DGCR2: variants seen among roughly 807,000 people sequenced by gnomAD.
DGCR2 encodes the protein DiGeorge syndrome critical region gene 2.
In DGCR2, 24 loss-of-function variants were observed where a neutral mutation model predicts 51.6. That is an observed-to-expected ratio of 0.47 (90% CI 0.34 to 0.65). DGCR2 has a LOEUF of 0.65. Among genes scored for constraint, DGCR2 ranks in the 30% least tolerant of loss-of-function variants. DGCR2 has a pLI of 0.01. For synonymous variants in DGCR2, 340 were observed against 315.4 expected (o/e 1.08, Z -0.82); for missense variants, 765 against 772.1 (o/e 0.99, Z 0.11).
chr22:19,040,054 G>A (rs1158836674), intron 9 of DGCR2, among the ~76,000 whole-genome samples: 1 of 152,128 alleles, frequency 6.6e-6, no homozygotes, highest in Non-Finnish European at 1.5e-5. Context: ...AAAGCTAACA[G>A]CACAAGGCCC....
intron 1 of DGCR2, among the ~76,000 whole-genome samples, chr22:19,118,374 C>CAAAAAA (rs923572855): frequency 3.6e-3 from 200 of 56,326 alleles, no homozygotes; most frequent in Non-Finnish European, 4.1e-3. Context: ...CCATCGCAAA[C>CAAAAAA]AAAAAAAAAA....
intron 2 of DGCR2, among the ~76,000 whole-genome samples, chr22:19,082,063 T>G (rs2082943306): frequency 8.4e-6 from 1 of 119,492 alleles, no homozygotes; most frequent in East Asian, 2.5e-4. Context: ...GGGTTTTTTT[T>G]GTTTTTTTTT....
chr22:19,114,833 G>A (rs1009461415), intron 1 of DGCR2, among the ~76,000 whole-genome samples: 4 of 152,178 alleles, frequency 2.6e-5, no homozygotes, highest in African/African-American at 9.7e-5. Flanking sequence ...GTCTACCTGG[G>A]GGACCCTTAG....
chr22:19,068,612 C>G (rs2082777878), intron 2 of DGCR2, among the ~76,000 whole-genome samples: 1 of 152,228 alleles, frequency 6.6e-6, no homozygotes, highest in Non-Finnish European at 1.5e-5. Flanking sequence ...GCCCCTACCC[C>G]TTCCTTGAGG....
rs1482616315 is a variant in DGCR2, at chr22:19,065,147, G to T, written c.329-80C>A. On this transcript the variant is annotated intron_variant, in intron 3 of 9. Coordinates refer to ENST00000263196, the MANE Select transcript of DGCR2 (RefSeq NM_005137.3). ...AATTATATGTACTCCATCAGGGACA[G>T]GCACACCTTGTAAATCACCCTAGAG... is the stretch of plus-strand genomic sequence containing the variant. 9.0e-6 allele frequency: 11 copies of T among 1,225,966 alleles called. 1 individual carries two copies. Among genetic ancestry groups the T allele is most frequent in the Middle Eastern group, 1.9e-4 (1 of 5,350 alleles). 75.9% of individuals were successfully genotyped at this position (1,225,966 alleles called of 1,614,324 possible).
intron 1 of DGCR2, among the ~76,000 whole-genome samples, chr22:19,096,006 A>G (rs967062234): frequency 6.6e-6 from 1 of 152,152 alleles, no homozygotes; most frequent in African/African-American, 2.4e-5. Flanking sequence ...TTGCCCCATG[A>G]CTGGTACTGA....
intron 6 of DGCR2, among the ~76,000 whole-genome samples, chr22:19,050,491 C>T (rs1056948487): frequency 1.2e-4 from 18 of 152,176 alleles, no homozygotes; most frequent in Non-Finnish European, 1.0e-4. Flanking sequence ...AGTATGCAAT[C>T]CCCAGATAGT....
In DGCR2 at chr22:19,037,137, C is replaced by G. The variant is rs934601231; in HGVS notation, c.*1728G>C. The G allele has an allele frequency of 6.6e-6, 1 of 152,272 alleles. No individual in the cohort carries two copies. The highest frequency in any genetic ancestry group is 1.5e-5 in the Non-Finnish European group (1 of 68,122). The allele number at this position is 152,272 out of a possible 1,614,324, so 9.4% of individuals were successfully genotyped here. On this transcript the variant is annotated 3_prime_UTR_variant, in exon 10 of 10. Coordinates refer to ENST00000263196, the MANE Select transcript of DGCR2 (RefSeq NM_005137.3). ...CGTCCTCTGCAGCCAGTAGGGGACT[C>G]CTGTGGCCAGGACTTCCTTGTTAAG...
intron 3 of DGCR2, 44 bp downstream of exon 3, chr22:19,068,056 C>CT (rs2082769411): frequency 6.6e-7 from 1 of 1,508,724 alleles, no homozygotes; most frequent in Non-Finnish European, 8.8e-7. Context: ...TCATGTCAGG[C>CT]TTGCACTCCC....
In DGCR2 at chr22:19,038,958, G is replaced by A. The variant is rs1432278319; in HGVS notation, c.1560C>T (p.Pro520=). ...SADSSSALLV[P]PDPAQSGSTP... ...TGCTCCCGCTCTGGGCAGGGTCAGGGGGCACGAGCAGGGCGCTGCTGCTGT... is the reference window on the plus strand; with the variant it reads ...TGCTCCCGCTCTGGGCAGGGTCAGGAGGCACGAGCAGGGCGCTGCTGCTGT... The change falls in exon 10 of 10, where the codon CCC becomes CCT. Residue 520 remains proline, a synonymous_variant. Transcript: ENST00000263196. 5.0e-6 allele frequency: 8 copies of A among 1,612,248 alleles called. No individual in the cohort carries two copies. Among genetic ancestry groups the A allele is most frequent in the African/African-American group, 2.7e-5 (2 of 75,056 alleles).
At chr22:19,068,443 TG>T (rs1233739761) in intron 2 of DGCR2, among the ~76,000 whole-genome samples, 3 of 152,370 alleles carry the variant, frequency 2.0e-5, no homozygotes, top group Admixed American at 6.5e-5. Context: ...TGGCAGTTTT[TG>T]TTTTTTAAGT....
rs2146012860 is a variant in DGCR2 at position 19,089,413 on chromosome 22, C to T, written c.157G>A (p.Gly53Ser). The T allele has an allele frequency of 2.5e-6, 4 of 1,610,874 alleles. No homozygotes were observed. In the East Asian group the frequency reaches 6.7e-5, roughly 27 times the overall value. ...CTCTCATCCTCGCAAGTCGCCCAGC[C>T]GTCACACTGCCAGGGGAGGGGGATG... ...QCIPLPWQCD[G>S]WATCEDESDE... The change falls in exon 2 of 10, where the codon GGC becomes AGC. Residue 53 changes from glycine to serine, a missense_variant. Transcript: ENST00000263196.
Position 19,063,248 on chromosome 22 carries a change from A to G in DGCR2, c.579T>C (p.Thr193=), listed in dbSNP as rs2082706969. The G allele has an allele frequency of 1.2e-6, 2 of 1,614,220 alleles. No homozygotes were observed. Among genetic ancestry groups the G allele is most frequent in the Non-Finnish European group, 1.7e-6 (2 of 1,180,036 alleles). Reference sequence around the variant, plus strand: ...GACCTTCCAAGGAGCGGTTCCGGCCAGTGATAACATACTGATAGCCAACCC... The same window carrying G: ...GACCTTCCAAGGAGCGGTTCCGGCCGGTGATAACATACTGATAGCCAACCC... ...KLWVGYQYVI[T]GRNRSLEGRW... The change falls in exon 5 of 10, where the codon ACT becomes ACC. Residue 193 remains threonine (T), a synonymous_variant. Coordinates refer to ENST00000263196, the MANE Select transcript of DGCR2 (RefSeq NM_005137.3).
At chr22:19,048,957 G>T (rs1365404167) in intron 6 of DGCR2, among the ~76,000 whole-genome samples, 1 of 152,248 alleles carries the variant, frequency 6.6e-6, no homozygotes, top group African/African-American at 2.4e-5. Context: ...ATTGTGCTGA[G>T]AGTCTTCCCA....
intron 3 of DGCR2, chr22:19,065,301 G>C (rs1055469806): frequency 9.2e-6 from 5 of 544,012 alleles, no homozygotes; most frequent in Non-Finnish European, 1.7e-5. Flanking sequence ...ATTTCTATAA[G>C]ATCTTTTAAT....
intron 2 of DGCR2, among the ~76,000 whole-genome samples, chr22:19,087,796 T>C (rs989572321): frequency 1.8e-4 from 28 of 152,014 alleles, no homozygotes; most frequent in Non-Finnish European, 3.8e-4. Context: ...GCAATTCTTG[T>C]GCCTCAGCCT....
At chr22:19,062,779 A>ACTCTCT (rs11471797) in intron 5 of DGCR2, among the ~76,000 whole-genome samples, 3,248 of 127,404 alleles carry the variant, frequency 0.025, 164 homozygotes, top group South Asian at 0.073. Context: ...ATGCATGCTC[A>ACTCTCT]CTCTCTCTCT....
chr22:19,102,138 C>T (rs190929924), intron 1 of DGCR2, among the ~76,000 whole-genome samples: 99 of 152,234 alleles, frequency 6.5e-4, no homozygotes, highest in Non-Finnish European at 1.1e-3. Context: ...TGAACCTGGA[C>T]AACATTATGC....
intron 1 of DGCR2, among the ~76,000 whole-genome samples, chr22:19,102,962 G>C (rs1391811826): frequency 6.6e-6 from 1 of 152,128 alleles, no homozygotes; most frequent in Non-Finnish European, 1.5e-5. Flanking sequence ...GTTATGATTT[G>C]ATTGCACCAC....
Sources: gnomAD v4.1 joint callset for allele counts (sites outside exome capture counted in the v4.1 genomes callset) on GRCh38, gnomAD v4.1.1 for gene constraint, MANE v1.5 for transcripts, NCBI Gene and HGNC (gene_info 2026-07-23, HGNC 2026-07-21) for gene names.